Variants in WDR27 observed in about 807,000 individuals in gnomAD.
WDR27 encodes WD repeat-containing protein 27.
A neutral mutation model predicts 114.4 loss-of-function variants in WDR27; 100 were observed. The ratio of observed to expected loss-of-function variants is 0.87; its 90% confidence interval spans 0.74 to 1.03. The LOEUF (loss-of-function observed/expected upper bound fraction) is 1.03. Among genes scored for constraint, WDR27 ranks in the 50% least tolerant of loss-of-function variants. The pLI is 0.00. For synonymous variants in WDR27, 449 were observed against 423.1 expected (o/e 1.06, Z -0.75); for missense variants, 1,129 against 1,092.9 (o/e 1.03, Z -0.47).
the WDR27 span, among the ~76,000 whole-genome samples, chr6:169,434,519 C>T: frequency 6.6e-6 from 1 of 152,236 alleles, no homozygotes; most frequent in Non-Finnish European, 1.5e-5. Flanking sequence ...AGCTTGATGC[C>T]TCCAGCTTTT....
chr6:169,521,141 A>G (rs754842250), intron 25 of WDR27, among the ~76,000 whole-genome samples: 1 of 152,192 alleles, frequency 6.6e-6, no homozygotes, highest in Non-Finnish European at 1.5e-5. Context: ...AAAAGCAGCA[A>G]GAGAAAAGTA....
chr6:169,577,222 G>A (rs143033287), intron 24 of WDR27, among the ~76,000 whole-genome samples: 43 of 152,320 alleles, frequency 2.8e-4, no homozygotes, highest in African/African-American at 8.4e-4. Context: ...TGGGTGCTGC[G>A]AGGGCACCAG....
intron 25 of WDR27, among the ~76,000 whole-genome samples, chr6:169,515,588 T>A (rs905297128): frequency 6.6e-6 from 1 of 152,078 alleles, no homozygotes; most frequent in South Asian, 2.1e-4. Flanking sequence ...GGTATATGAA[T>A]AAAAGTGTTC....
intron 23 of WDR27, among the ~76,000 whole-genome samples, chr6:169,585,194 A>G (rs1252571004): frequency 6.6e-6 from 1 of 152,214 alleles, no homozygotes; most frequent in Admixed American, 6.5e-5. Context: ...TAAAACTCCT[A>G]GAAGAGAACA....
intron 21 of WDR27, 23 bp from the exon 22 acceptor site, chr6:169,613,679 A>C (rs1811146842): frequency 6.3e-7 from 1 of 1,586,960 alleles, no homozygotes; most frequent in Non-Finnish European, 8.6e-7. Flanking sequence ...GGGGGAAATC[A>C]AGATGTACTT....
intron 23 of WDR27, among the ~76,000 whole-genome samples, chr6:169,592,805 C>T (rs1304394914): frequency 6.6e-6 from 1 of 152,140 alleles, no homozygotes; most frequent in African/African-American, 2.4e-5. Context: ...AGCTTTTGGG[C>T]TGAGATAAGC....
At chr6:169,537,754 G>A (rs933088453) in intron 25 of WDR27, among the ~76,000 whole-genome samples, 2 of 152,156 alleles carry the variant, frequency 1.3e-5, no homozygotes, top group Non-Finnish European at 2.9e-5. Context: ...AGAAGAGGCA[G>A]TAATGGACAT....
intron 25 of WDR27, among the ~76,000 whole-genome samples, chr6:169,516,738 G>A (rs563252145): frequency 9.3e-5 from 14 of 149,820 alleles, no homozygotes; most frequent in Admixed American, 6.7e-4. Context: ...AATAAATGAT[G>A]GGTAAGACAG....
At chr6:169,658,242 T>C (rs769168494) in intron 13 of WDR27, 34 bp downstream of exon 13, 2 of 1,543,826 alleles carry the variant, frequency 1.3e-6, no homozygotes, top group Admixed American at 3.7e-5. Context: ...GCATCAGCCT[T>C]GTATTCTTAG....
At chr6:169,450,359 A>C in the WDR27 span, among the ~76,000 whole-genome samples, 2 of 152,210 alleles carry the variant, frequency 1.3e-5, no homozygotes, top group Non-Finnish European at 2.9e-5. Flanking sequence ...CTGCTTCCCA[A>C]GTGCCAGACG....
Position 169,649,197 on chromosome 6 carries a change from C to T in WDR27, c.1559+1G>A. On this transcript the variant is annotated splice_donor_variant, in intron 15 of 25. Transcript: ENST00000448612. LOFTEE classifies it high-confidence loss of function. ...CTTGGAATGCACGCTACATCACACA[C>T]CGTGCGCAGCTGCTCCTGCTCCTTG... 6.4e-7 allele frequency: 1 copy of T among 1,567,172 alleles called. No homozygotes were observed. Among genetic ancestry groups the T allele is most frequent in the South Asian group, 1.2e-5 (1 of 84,846 alleles).
intron 21 of WDR27, among the ~76,000 whole-genome samples, chr6:169,617,176 G>A (rs950779380): frequency 2.6e-5 from 4 of 152,092 alleles, no homozygotes; most frequent in Admixed American, 6.5e-5. Flanking sequence ...GATTTCATAG[G>A]CAAAATAAAA....
At chr6:169,567,214 T>A (rs1345342445) in intron 25 of WDR27, among the ~76,000 whole-genome samples, 1 of 152,156 alleles carries the variant, frequency 6.6e-6, no homozygotes, top group Non-Finnish European at 1.5e-5. Flanking sequence ...ATCATGTAGG[T>A]CAGTCACGCA....
At chr6:169,441,463 G>A in the WDR27 span, among the ~76,000 whole-genome samples, 3,082 of 152,266 alleles carry the variant, frequency 0.02, 65 homozygotes, top group East Asian at 0.071. Flanking sequence ...CGAGGCACAG[G>A]TCACTTGCCC....
chr6:169,687,934 G>A (rs1269982187), intron 2 of WDR27, among the ~76,000 whole-genome samples: 2 of 152,084 alleles, frequency 1.3e-5, no homozygotes, highest in African/African-American at 4.8e-5. Flanking sequence ...CAGCAATTAT[G>A]TGTGTGTGCA....
the WDR27 span, among the ~76,000 whole-genome samples, chr6:169,448,392 A>ATGTGTGTGTGG: frequency 3.8e-5 from 5 of 132,046 alleles, no homozygotes; most frequent in East Asian, 1.1e-3. Flanking sequence ...CTCTGTCTCT[A>ATGTGTGTGTGG]TGTGTGTGTG....
the WDR27 span, among the ~76,000 whole-genome samples, chr6:169,435,569 T>G: frequency 6.6e-6 from 1 of 152,342 alleles, no homozygotes; most frequent in East Asian, 1.9e-4. Flanking sequence ...GGAGATTATT[T>G]TGTAGCTTTA....
At chr6:169,461,856 A>AT (rs1784946499) in intron 25 of WDR27, among the ~76,000 whole-genome samples, 4 of 152,020 alleles carry the variant, frequency 2.6e-5, no homozygotes, top group Non-Finnish European at 5.9e-5. Context: ...CGAAATTAAG[A>AT]AACCTCTAAC....
In WDR27 at chr6:169,543,701, C is replaced by A. The variant is rs79832664; in HGVS notation, c.2645+28718G>T. Among the ~76,000 whole-genome samples, 787 of 152,142 alleles carry A rather than the reference C, an allele frequency of 5.2e-3. 7 individuals are homozygous for A. Among genetic ancestry groups the A allele is most frequent in the African/African-American group, 0.018 (753 of 41,536 alleles). ...GAAAGGAAGAAGTATTTTTAATAGTCATTTCAGATAATTTGAATATTCTTT... is the reference window on the plus strand; with the variant it reads ...GAAAGGAAGAAGTATTTTTAATAGTAATTTCAGATAATTTGAATATTCTTT... On this transcript the variant is annotated intron_variant, in intron 25 of 25. Transcript: ENST00000448612.
Sources: allele counts gnomAD v4.1 joint callset (sites outside exome capture counted in the v4.1 genomes callset), GRCh38; gene constraint gnomAD v4.1.1; transcripts MANE v1.5; gene names NCBI Gene and HGNC (gene_info 2026-07-23, HGNC 2026-07-21).